CPEB3: variants seen among roughly 807,000 people sequenced by gnomAD.
CPEB3 encodes the protein cytoplasmic polyadenylation element binding protein 3.
In CPEB3, 20 loss-of-function variants were observed where a neutral mutation model predicts 67.2. The ratio of observed to expected loss-of-function variants is 0.30; its 90% CI spans 0.21 to 0.43. The LOEUF is 0.43. CPEB3 is among the 20% of genes least tolerant of loss of function. The pLI, the probability that CPEB3 is intolerant of heterozygous loss-of-function variation, is 1.00. For missense variants in CPEB3, 746 were observed against 968.6 expected (o/e 0.77, Z 3.05); for synonymous variants, 376 against 393.1 (o/e 0.96, Z 0.51).
intron 4 of CPEB3, among the ~76,000 whole-genome samples, chr10:92,150,555 A>G (rs995530237): frequency 6.6e-6 from 1 of 152,250 alleles, no homozygotes; most frequent in African/African-American, 2.4e-5. Flanking sequence ...TGATTTGTCC[A>G]GTAATCCCTT....
intron 1 of CPEB3, among the ~76,000 whole-genome samples, chr10:92,254,894 G>A (rs1195541723): frequency 1.3e-5 from 2 of 148,206 alleles, no homozygotes; most frequent in South Asian, 2.1e-4. Context: ...TTTTTCTGGC[G>A]ATGGAGTGCT....
intron 1 of CPEB3, among the ~76,000 whole-genome samples, chr10:92,245,340 A>G (rs1852014686): frequency 3.9e-5 from 6 of 151,922 alleles, no homozygotes; most frequent in Admixed American, 3.9e-4. Flanking sequence ...GTTTCACAAC[A>G]GTGGTCAGGC....
At chr10:92,196,723 A>C (rs1215471858) in intron 2 of CPEB3, among the ~76,000 whole-genome samples, 2 of 151,158 alleles carry the variant, frequency 1.3e-5, no homozygotes, top group African/African-American at 2.4e-5. Flanking sequence ...AGCCGAGCTC[A>C]TGGCACTGCA....
chr10:92,207,055 G>T (rs2134300176), intron 2 of CPEB3, among the ~76,000 whole-genome samples: 1 of 152,046 alleles, frequency 6.6e-6, no homozygotes, highest in Admixed American at 6.5e-5. Flanking sequence ...GCACGATCTT[G>T]GCTAATAGTC....
At chr10:92,173,421 G>A (rs1848092903) in intron 4 of CPEB3, among the ~76,000 whole-genome samples, 1 of 152,024 alleles carries the variant, frequency 6.6e-6, no homozygotes, top group Non-Finnish European at 1.5e-5. Context: ...TTCAATATCA[G>A]GCCATGTAAA....
intron 6 of CPEB3, among the ~76,000 whole-genome samples, chr10:92,119,695 TA>T (rs1049920855): frequency 6.6e-6 from 1 of 152,116 alleles, no homozygotes; most frequent in African/African-American, 2.4e-5. Flanking sequence ...TAGAGGGAGA[TA>T]AAGAGGGCTA....
chr10:92,289,729 AAAAATATAT>A (rs1218999508), intron 1 of CPEB3, among the ~76,000 whole-genome samples: 1 of 111,388 alleles, frequency 9.0e-6, no homozygotes, highest in Non-Finnish European at 1.7e-5. Context: ...AAAAAAAAAA[AAAAATATAT>A]ATATATATAT....
chr10:92,106,483 T>C (rs566379634), intron 7 of CPEB3, among the ~76,000 whole-genome samples: 4 of 152,182 alleles, frequency 2.6e-5, no homozygotes, highest in Non-Finnish European at 4.4e-5. Context: ...ATGAAAGAGA[T>C]GGCATTTGTA....
chr10:92,248,942 G>A (rs1043832012), intron 1 of CPEB3, among the ~76,000 whole-genome samples: 3 of 152,114 alleles, frequency 2.0e-5, no homozygotes, highest in Non-Finnish European at 4.4e-5. Flanking sequence ...CACAATGATG[G>A]TCCCAAAGAT....
At chr10:92,122,458 C>CTGGA (rs1190495102) in intron 6 of CPEB3, among the ~76,000 whole-genome samples, 3 of 152,180 alleles carry the variant, frequency 2.0e-5, no homozygotes, top group African/African-American at 7.2e-5. Context: ...GGTCTCTGAA[C>CTGGA]TGGATCTCTT....
chr10:92,286,742 T>C (rs1286130086), intron 1 of CPEB3, among the ~76,000 whole-genome samples: 4 of 152,184 alleles, frequency 2.6e-5, no homozygotes, highest in African/African-American at 7.2e-5. Context: ...AATTTGGCAA[T>C]TGACAGTTCT....
intron 3 of CPEB3, 109 bp from the exon 4 acceptor site, chr10:92,181,128 T>C (rs1848439764): frequency 6.4e-6 from 4 of 621,968 alleles, no homozygotes; most frequent in African/African-American, 1.9e-5. Context: ...TCTATAACAA[T>C]GCTATCAAAG....
chr10:92,247,885 T>C (rs1376497197), intron 1 of CPEB3, among the ~76,000 whole-genome samples: 2 of 152,004 alleles, frequency 1.3e-5, no homozygotes, highest in Non-Finnish European at 2.9e-5. Flanking sequence ...CCCCATCCTT[T>C]GTTTTGTTTT....
intron 7 of CPEB3, among the ~76,000 whole-genome samples, chr10:92,109,423 T>C (rs2133466512): frequency 6.6e-6 from 1 of 152,168 alleles, no homozygotes; most frequent in East Asian, 1.9e-4. Flanking sequence ...CAGCTATTTT[T>C]TTGTATTTTT....
intron 6 of CPEB3, among the ~76,000 whole-genome samples, chr10:92,122,314 A>G (rs1007814767): frequency 6.6e-6 from 1 of 152,218 alleles, no homozygotes; most frequent in Admixed American, 6.5e-5. Flanking sequence ...CACGGCATGG[A>G]AAGGCCAAAG....
chr10:92,207,818 C>T (rs777807527), intron 2 of CPEB3, among the ~76,000 whole-genome samples: 4 of 151,750 alleles, frequency 2.6e-5, no homozygotes, highest in South Asian at 2.1e-4. Context: ...TGAAGTCAGC[C>T]GAGATCACAC....
chr10:92,108,692 T>C (rs1844587177), intron 7 of CPEB3, among the ~76,000 whole-genome samples: 1 of 152,228 alleles, frequency 6.6e-6, no homozygotes, highest in Non-Finnish European at 1.5e-5. Context: ...ATAAAACTGC[T>C]GCACTTGAGC....
intron 1 of CPEB3, among the ~76,000 whole-genome samples, chr10:92,273,059 T>C (rs1427490412): frequency 1.3e-5 from 2 of 152,126 alleles, no homozygotes; most frequent in African/African-American, 4.8e-5. Flanking sequence ...ATTTAGGAGA[T>C]AAACGAACCA....
At chr10:92,086,653 G>C (rs1045020440) in intron 8 of CPEB3, among the ~76,000 whole-genome samples, 3 of 152,202 alleles carry the variant, frequency 2.0e-5, no homozygotes, top group Admixed American at 6.5e-5. Context: ...TGAGGACAGA[G>C]TGGTATTCAA....
Sources: allele counts gnomAD v4.1 joint callset (sites outside exome capture counted in the v4.1 genomes callset), GRCh38; gene constraint gnomAD v4.1.1; transcripts MANE v1.5; gene names NCBI Gene and HGNC (gene_info 2026-07-23, HGNC 2026-07-21).